CASQ2: variants seen among roughly 807,000 people sequenced by gnomAD.
CASQ2 encodes calsequestrin 2.
Under a neutral mutation model 46.5 loss-of-function variants are expected in CASQ2, and 49 were observed. The ratio of observed to expected loss-of-function variants is 1.05; its 90% CI spans 0.84 to 1.34. CASQ2 has a LOEUF of 1.34. Ranked by LOEUF, CASQ2 falls within the 40% of genes most tolerant of loss-of-function variation. The pLI is 0.00. For missense variants in CASQ2, 486 were observed against 481.3 expected (o/e 1.01, Z -0.09); for synonymous variants, 174 against 168.5 (o/e 1.03, Z -0.25).
At chr1:115,720,093 A>G (rs1647315224) in intron 7 of CASQ2, among the ~76,000 whole-genome samples, 1 of 152,194 alleles carries the variant, frequency 6.6e-6, no homozygotes, top group Non-Finnish European at 1.5e-5. Flanking sequence ...CAGAACTAGT[A>G]GTGACAGAAG....
chr1:115,766,865 TGATA>T (rs58728885), intron 1 of CASQ2, among the ~76,000 whole-genome samples: 24,765 of 144,812 alleles, frequency 0.17, 2,094 homozygotes, highest in African/African-American at 0.2. Flanking sequence ...GAGCTAGAGA[TGATA>T]GATAGATAGA....
intron 4 of CASQ2, among the ~76,000 whole-genome samples, chr1:115,737,824 C>T (rs748691152): frequency 3.3e-5 from 5 of 152,212 alleles, no homozygotes; most frequent in African/African-American, 4.8e-5. Flanking sequence ...CAATTTTCCA[C>T]TCATGCTTTC....
intron 4 of CASQ2, among the ~76,000 whole-genome samples, chr1:115,735,344 C>A (rs12732029): frequency 0.11 from 16,124 of 152,202 alleles, 953 homozygotes; most frequent in South Asian, 0.23. Flanking sequence ...AAGAATTTTA[C>A]AGAGTTTATT....
chr1:115,753,266 T>C (rs1266584336), intron 1 of CASQ2, among the ~76,000 whole-genome samples: 2 of 151,920 alleles, frequency 1.3e-5, no homozygotes, highest in Non-Finnish European at 2.9e-5. Context: ...AGCCACAGGG[T>C]CAAGGGCTGG....
At chr1:115,703,114 G>A (rs1025509165) in intron 9 of CASQ2, 119 bp from the exon 10 acceptor site, 2 of 767,608 alleles carry the variant, frequency 2.6e-6, no homozygotes, top group South Asian at 2.9e-5. Flanking sequence ...CAAAACAGCT[G>A]TGAGCACTTA....
At chr1:115,732,830 G>A (rs890925853) in intron 5 of CASQ2, 71 bp downstream of exon 5, 3 of 1,022,798 alleles carry the variant, frequency 2.9e-6, no homozygotes, top group Admixed American at 1.7e-5. Flanking sequence ...AAAAGAAAGA[G>A]TGGTGAGAGT....
chr1:115,753,488 G>A (rs1648651608), intron 1 of CASQ2, among the ~76,000 whole-genome samples: 1 of 92,024 alleles, frequency 1.1e-5, no homozygotes, highest in South Asian at 5.5e-4. Context: ...TTTTAGAGAA[G>A]AGCTGAGACA....
At chr1:115,740,485 G>A (rs1162358854) in intron 3 of CASQ2, among the ~76,000 whole-genome samples, 1 of 152,164 alleles carries the variant, frequency 6.6e-6, no homozygotes, top group Non-Finnish European at 1.5e-5. Flanking sequence ...ATGTATAACT[G>A]GTAACAGAAT....
chr1:115,768,427 C>A lies in CASQ2; in HGVS notation c.115G>T (p.Glu39Ter), dbSNP rs756636650. 1.2e-6 allele frequency: 2 copies of A among 1,613,644 alleles called. No individual in the cohort carries two copies. The highest frequency in any genetic ancestry group is 1.7e-6 in the Non-Finnish European group (2 of 1,179,600). The change falls in exon 1 of 11, where the codon GAG (glutamate) becomes TAG (stop). Residue 39 changes from glutamate (E) to a stop codon, truncating the protein, a stop_gained. Coordinates refer to ENST00000261448, the MANE Select transcript of CASQ2 (RefSeq NM_001232.4). LOFTEE classifies it high-confidence loss of function. ...DGKDRVVSLS[E>*]KNFKQVLKKY... is the part of the protein sequence containing the mutation. ...TTTAAAACCTGCTTGAAGTTCTTCT[C>A]GGAAAGACTTACCACTCGGTCCTTC... is the stretch of plus-strand genomic sequence containing the variant.
At chr1:115,740,891 G>T in intron 2 of CASQ2, 63 bp from the exon 3 acceptor site, 1 of 1,172,210 alleles carries the variant, frequency 8.5e-7, no homozygotes, top group Non-Finnish European at 1.3e-6. Context: ...GATTGTATTG[G>T]CTGAGGTCTG....
At chr1:115,740,955 C>T in intron 2 of CASQ2, 127 bp from the exon 3 acceptor site, 2 of 702,660 alleles carry the variant, frequency 2.8e-6, no homozygotes, top group South Asian at 1.5e-5. Flanking sequence ...TAGCATTAAC[C>T]AAAGAAGCAG....
chr1:115,730,388 C>CCCACAATAAACTTTTTTT (rs1647744984), intron 5 of CASQ2, among the ~76,000 whole-genome samples: 2 of 152,142 alleles, frequency 1.3e-5, no homozygotes. Context: ...TCTTCTCTTT[C>CCCACAATAAACTTTTTTT]CCACAATAAA....
chr1:115,738,260 T>C lies in CASQ2; in HGVS notation c.496A>G (p.Lys166Glu). 1.2e-6 allele frequency: 2 copies of C among 1,613,392 alleles called. No homozygotes were observed. The highest frequency in any genetic ancestry group is 1.7e-6 in the Non-Finnish European group (2 of 1,179,260). Residue 166 changes from lysine (K) to glutamate (E), a missense_variant, in exon 4 of 11, where the codon AAA (lysine) becomes GAA (glutamate). Transcript: ENST00000261448. ...TCACTCTTGAAAAAGCCAATGAGTT[T>C]GATGTAGTCTTCAATGCGTTCGAAG... is the stretch of plus-strand genomic sequence containing the variant. ...QAFERIEDYI[K>E]LIGFFKSEDS...
intron 10 of CASQ2, among the ~76,000 whole-genome samples, chr1:115,702,110 A>G (rs1400173962): frequency 6.6e-6 from 1 of 151,892 alleles, no homozygotes; most frequent in Admixed American, 6.6e-5. Flanking sequence ...TTTAGTAGAG[A>G]TGGGGTTTCA....
chr1:115,709,458 A>G (rs10494180), intron 8 of CASQ2, among the ~76,000 whole-genome samples: 60,605 of 152,068 alleles, frequency 0.4, 13,287 homozygotes, highest in African/African-American at 0.57. Flanking sequence ...TGTATGTTTC[A>G]GAAGTAATAT....
intron 4 of CASQ2, among the ~76,000 whole-genome samples, chr1:115,737,625 C>G (rs1201695768): frequency 2.0e-5 from 3 of 152,220 alleles, no homozygotes; most frequent in Non-Finnish European, 2.9e-5. Context: ...CCACCACCCG[C>G]TCATCCCTAT....
chr1:115,733,383 AG>A (rs1647857572), intron 4 of CASQ2, among the ~76,000 whole-genome samples: 2 of 152,246 alleles, frequency 1.3e-5, no homozygotes, highest in Admixed American at 6.5e-5. Context: ...CTAAGTAAGA[AG>A]GAAATTCGTC....
intron 1 of CASQ2, 126 bp from the exon 2 acceptor site, chr1:115,745,038 G>A: frequency 1.4e-6 from 1 of 727,730 alleles, no homozygotes; most frequent in South Asian, 1.5e-5. Context: ...ATGTGACCAA[G>A]TTGAGCAGCA....
chr1:115,767,604 T>C (rs903493409), intron 1 of CASQ2, among the ~76,000 whole-genome samples: 3 of 152,094 alleles, frequency 2.0e-5, no homozygotes, highest in Non-Finnish European at 4.4e-5. Context: ...GCTGCAGGAA[T>C]AGTTTCTGGG....
Sources: gnomAD v4.1 joint callset for allele counts (sites outside exome capture counted in the v4.1 genomes callset) on GRCh38, gnomAD v4.1.1 for gene constraint, MANE v1.5 for transcripts, NCBI Gene and HGNC (gene_info 2026-07-23, HGNC 2026-07-21) for gene names.